Variants in TRHDE observed in about 807,000 individuals in gnomAD.
TRHDE encodes thyrotropin-releasing hormone-degrading ectoenzyme.
Under a neutral mutation model 125.7 loss-of-function variants are expected in TRHDE, and 72 were observed. That is an observed-to-expected ratio of 0.57 (90% CI 0.47 to 0.70). TRHDE has a LOEUF of 0.70. Among genes scored for constraint, TRHDE ranks in the 30% least tolerant of loss-of-function variants. The pLI is 0.00. For missense variants in TRHDE, 1,110 were observed against 1,327.1 expected (o/e 0.84, Z 2.54); for synonymous variants, 509 against 509.1 (o/e 1.00, Z 0.00).
chr12:72,226,925 A>G (rs970004679), intron 2 of TRHDE, among the ~76,000 whole-genome samples: 6 of 152,214 alleles, frequency 3.9e-5, no homozygotes, highest in African/African-American at 9.6e-5. Flanking sequence ...AATAGGCTGA[A>G]AAATGAATAT....
chr12:72,591,635 T>TTTTTTTTG (rs1180973451), intron 12 of TRHDE, among the ~76,000 whole-genome samples: 1 of 145,906 alleles, frequency 6.9e-6, no homozygotes, highest in East Asian at 2.0e-4. Context: ...GATATGGGTT[T>TTTTTTTTG]TTTTTTTTTT....
At chr12:72,385,936 T>C (rs988792411) in intron 3 of TRHDE, among the ~76,000 whole-genome samples, 1 of 152,180 alleles carries the variant, frequency 6.6e-6, no homozygotes, top group Non-Finnish European at 1.5e-5. Flanking sequence ...TTTAATGCAA[T>C]ACAAACCAAC....
In TRHDE at chr12:72,499,728, G is replaced by A. The variant is rs758759137; in HGVS notation, c.1722+93G>A. The A allele has an allele frequency of 2.8e-5, 40 of 1,408,004 alleles. No individual in the cohort carries two copies. In the Admixed American group the frequency reaches 3.2e-4, roughly 11 times the overall value. The allele number at this position is 1,408,004 out of a possible 1,614,324, so 87.2% of individuals were successfully genotyped here. On this transcript the variant is annotated intron_variant, in intron 6 of 18. Transcript: ENST00000261180. ...GATGTATGTATTTTTCTTTTTTTCC[G>A]GGCAGATAGACATAGACTGTGATTT...
At chr12:72,202,587 CTT>C (rs1293872712) in intron 2 of TRHDE, among the ~76,000 whole-genome samples, 1 of 152,166 alleles carries the variant, frequency 6.6e-6, no homozygotes, top group East Asian at 1.9e-4. Flanking sequence ...GCTATCTCCA[CTT>C]GGAACATTAA....
In TRHDE at chr12:72,608,216, G is replaced by A. The variant is rs1005583881; in HGVS notation, c.2322-10675G>A. The stretch of plus-strand genomic sequence containing the variant: ...ATATGCCATTATTTGAGTCCTTCAC[G>A]CTTTCCTTCTCAGGCAAGGTATAGA... On this transcript the variant is annotated intron_variant, in intron 12 of 18. Transcript: ENST00000261180. Among the ~76,000 whole-genome samples the A allele has an allele frequency of 3.9e-5, 6 of 152,046 alleles. No individual in the cohort carries two copies. In the East Asian group the frequency reaches 7.7e-4, roughly 20 times the overall value.
intron 2 of TRHDE, among the ~76,000 whole-genome samples, chr12:72,228,283 G>A (rs2956438): frequency 0.28 from 42,929 of 152,094 alleles, 6,506 homozygotes; most frequent in African/African-American, 0.36. Flanking sequence ...CCCAAACCTC[G>A]GTTCTTTACT....
intron 7 of TRHDE, among the ~76,000 whole-genome samples, chr12:72,547,606 C>T (rs865786495): frequency 1.6e-4 from 24 of 151,722 alleles, no homozygotes; most frequent in Non-Finnish European, 2.9e-4. Context: ...TCCTACCTCC[C>T]CAGGTGGGCC....
At chr12:72,291,018 C>A (rs138435142) in intron 2 of TRHDE, among the ~76,000 whole-genome samples, 1 of 152,162 alleles carries the variant, frequency 6.6e-6, no homozygotes, top group Admixed American at 6.5e-5. Context: ...TTAACACAGT[C>A]GGCTCTCTGC....
intron 6 of TRHDE, among the ~76,000 whole-genome samples, chr12:72,512,588 C>CATATATAATCATATATATAATT (rs1330923730): frequency 4.8e-4 from 65 of 136,000 alleles, no homozygotes; most frequent in Admixed American, 1.4e-3. Context: ...ATATAATAAT[C>CATATATAATCATATATATAATT]ATATATAATC....
At chr12:72,380,646 C>T (rs531530294) in intron 3 of TRHDE, among the ~76,000 whole-genome samples, 2 of 152,084 alleles carry the variant, frequency 1.3e-5, no homozygotes, top group East Asian at 1.9e-4. Flanking sequence ...GTAGATGACA[C>T]GGTCAAGGAG....
At position 72,594,445 on chromosome 12, in the gene TRHDE, C is replaced by T. The variant is rs138070286; in HGVS notation, c.2321+18903C>T. Among the ~76,000 whole-genome samples the T allele has an allele frequency of 1.1e-3, 163 of 150,678 alleles. 1 individual carries two copies. Among genetic ancestry groups the T allele is most frequent in the African/African-American group, 3.8e-3 (156 of 41,108 alleles). On this transcript the variant is annotated intron_variant, in intron 12 of 18. Coordinates refer to ENST00000261180, the MANE Select transcript of TRHDE (RefSeq NM_013381.3). ...GTTGGTCAGGCTGGTCTCGAACTCCCGGCCTCAGGTCATCCACCCGCCTTG... is the reference window on the plus strand; with the variant it reads ...GTTGGTCAGGCTGGTCTCGAACTCCTGGCCTCAGGTCATCCACCCGCCTTG...
chr12:72,599,060 A>G (rs1038655292), intron 12 of TRHDE, among the ~76,000 whole-genome samples: 1 of 152,044 alleles, frequency 6.6e-6, no homozygotes, highest in Non-Finnish European at 1.5e-5. Context: ...AAAGGACATG[A>G]CTTTATTTTT....
chr12:72,519,431 C>T (rs576070166), intron 6 of TRHDE, among the ~76,000 whole-genome samples: 4 of 152,232 alleles, frequency 2.6e-5, no homozygotes, highest in Admixed American at 6.5e-5. Flanking sequence ...TCCAGTTGAT[C>T]GCATCGGCTC....
In TRHDE at chr12:72,518,300, C is replaced by T. The variant is rs1404754344; in HGVS notation, c.1722+18665C>T. Among the ~76,000 whole-genome samples the T allele has an allele frequency of 2.1e-5, 3 of 145,380 alleles. No homozygotes were observed. The East Asian group carries it at 6.1e-4, about 30-fold the overall frequency. On this transcript the variant is annotated intron_variant, in intron 6 of 18. Transcript: ENST00000261180. ...AGTCTAAGTCTCTTTGTAGGTCACT[C>T]AGGACTTGCTTTATGAATCTGGGTG...
intron 7 of TRHDE, among the ~76,000 whole-genome samples, chr12:72,544,220 A>C (rs1405269126): frequency 6.6e-6 from 1 of 151,508 alleles, no homozygotes; most frequent in Non-Finnish European, 1.5e-5. Context: ...TCTAGGTGAT[A>C]AATTATCATC....
At chr12:72,571,108 C>T (rs1320513659) in intron 10 of TRHDE, among the ~76,000 whole-genome samples, 2 of 151,742 alleles carry the variant, frequency 1.3e-5, no homozygotes, top group African/African-American at 4.8e-5. Context: ...TTATGAAGTC[C>T]TTCGTTCTGA....
At chr12:72,382,150 G>C (rs1872214484) in intron 3 of TRHDE, among the ~76,000 whole-genome samples, 1 of 152,154 alleles carries the variant, frequency 6.6e-6, no homozygotes, top group South Asian at 2.1e-4. Context: ...TGTGGTGTCT[G>C]AGACATCAAG....
At chr12:72,521,575 G>C (rs938647844) in intron 6 of TRHDE, among the ~76,000 whole-genome samples, 2 of 152,208 alleles carry the variant, frequency 1.3e-5, no homozygotes, top group Non-Finnish European at 2.9e-5. Context: ...ATAGGATGCA[G>C]TTAGCTCAGT....
intron 12 of TRHDE, among the ~76,000 whole-genome samples, chr12:72,601,564 C>G (rs1872208325): frequency 6.6e-6 from 1 of 152,100 alleles, no homozygotes; most frequent in Non-Finnish European, 1.5e-5. Flanking sequence ...GCTACAAAGA[C>G]GTCTTCCATG....
Sources: gnomAD v4.1 joint callset for allele counts (sites outside exome capture counted in the v4.1 genomes callset) on GRCh38, gnomAD v4.1.1 for gene constraint, MANE v1.5 for transcripts, NCBI Gene and HGNC (gene_info 2026-07-23, HGNC 2026-07-21) for gene names.